CAMTA1: variants seen among roughly 807,000 people sequenced by gnomAD.
The protein encoded by CAMTA1 is calmodulin binding transcription activator 1, also known as calmodulin-binding transcription activator 1.
CAMTA1 carries 27 observed loss-of-function variants against 170.9 expected under a neutral mutation model. The observed-to-expected ratio is 0.16, with a 90% CI of 0.12 to 0.22. The LOEUF is 0.22. CAMTA1 is among the 10% of genes least tolerant of loss of function. CAMTA1 has a pLI of 1.00. For missense variants in CAMTA1, 1,619 were observed against 2,217.2 expected, an observed-to-expected ratio of 0.73 and a Z score of 5.42; for synonymous variants, 833 against 891.5, an observed-to-expected ratio of 0.93 and a Z score of 1.17.
At chr1:6,876,781 T>C (rs1286022208) in intron 3 of CAMTA1, among the ~76,000 whole-genome samples, 1 of 152,238 alleles carries the variant, frequency 6.6e-6, no homozygotes, top group Non-Finnish European at 1.5e-5. Context: ...TTAGGTGGTT[T>C]ATCTTGAAGA....
At chr1:7,338,388 G>A (rs899661384) in intron 5 of CAMTA1, among the ~76,000 whole-genome samples, 4 of 152,240 alleles carry the variant, frequency 2.6e-5, no homozygotes, top group African/African-American at 9.6e-5. Flanking sequence ...TAGTTCTGGA[G>A]GGTTTGGAGC....
At chr1:7,015,488 T>C (rs1700404820) in intron 3 of CAMTA1, among the ~76,000 whole-genome samples, 1 of 152,220 alleles carries the variant, frequency 6.6e-6, no homozygotes, top group Non-Finnish European at 1.5e-5. Context: ...CTCCTCTGAA[T>C]GCACATAGTG....
rs1024509779 is a variant in CAMTA1, at chr1:7,580,972, G to A, written c.511-59428G>A. Reference sequence around the variant, plus strand: ...ATAGAAAATACCCTAAAAGGTTGTTGAGAAAATGGAACGACTGCAGAGCTT... The same window carrying A: ...ATAGAAAATACCCTAAAAGGTTGTTAAGAAAATGGAACGACTGCAGAGCTT... On this transcript the variant is annotated intron_variant, in intron 6 of 22. Coordinates refer to ENST00000303635, the MANE Select transcript of CAMTA1 (RefSeq NM_015215.4). This position sits in a 1 kb window ranked among gnomAD's most constrained non-coding sequence, Gnocchi z 4.3. 6.6e-6 allele frequency among the ~76,000 whole-genome samples: 1 copy of A among 152,218 alleles called. No homozygotes were observed. Among genetic ancestry groups the A allele is most frequent in the Admixed American group, 6.5e-5 (1 of 15,282 alleles).
At chr1:7,397,415 A>AT (rs1376567543) in intron 5 of CAMTA1, among the ~76,000 whole-genome samples, 7 of 151,364 alleles carry the variant, frequency 4.6e-5, no homozygotes, top group East Asian at 1.9e-4. Context: ...CAGTTTGTTG[A>AT]TTTTTTTGTA....
At chr1:6,851,705 C>T (rs1007538530) in intron 3 of CAMTA1, among the ~76,000 whole-genome samples, 5 of 152,068 alleles carry the variant, frequency 3.3e-5, no homozygotes, top group Non-Finnish European at 7.4e-5. Context: ...GTGGCAAAAC[C>T]CCATCTCTAC....
At chr1:7,177,190 C>T (rs909371090) in intron 4 of CAMTA1, among the ~76,000 whole-genome samples, 2 of 150,702 alleles carry the variant, frequency 1.3e-5, no homozygotes, top group Admixed American at 6.6e-5. Flanking sequence ...CAAATCTCCT[C>T]CCCCATGCCA....
chr1:6,936,937 G>A (rs1469447190), intron 3 of CAMTA1, among the ~76,000 whole-genome samples: 1 of 151,946 alleles, frequency 6.6e-6, no homozygotes, highest in Non-Finnish European at 1.5e-5. Flanking sequence ...GCAGTGAGCC[G>A]AGATTACGCC....
chr1:7,726,982 C>A (rs866914345), intron 11 of CAMTA1, among the ~76,000 whole-genome samples: 1 of 152,178 alleles, frequency 6.6e-6, no homozygotes, highest in African/African-American at 2.4e-5. Flanking sequence ...TTGGACTGTC[C>A]TAAGGACATC....
rs577118839 is a variant in CAMTA1 at position 7,748,717 on chromosome 1, T to C, written c.4689+936T>C. On this transcript the variant is annotated intron_variant, in intron 19 of 22. Transcript: ENST00000303635. The surrounding 1 kb of genome is among the most constrained non-coding windows in gnomAD (Gnocchi z 4.7). ...TTCTTATCCATTTTAAAATGAAGAA[T>C]TGTTAAAATCTTTGAAAATCAGAAG... Among the ~76,000 whole-genome samples the C allele has an allele frequency of 5.3e-5, 8 of 152,298 alleles. No individual in the cohort carries two copies. The East Asian group carries it at 1.5e-3, about 29-fold the overall frequency.
At chr1:7,553,211 ATAAG>A (rs2094828861) in intron 6 of CAMTA1, among the ~76,000 whole-genome samples, 4 of 151,468 alleles carry the variant, frequency 2.6e-5, no homozygotes, top group African/African-American at 4.8e-5. Context: ...GAATGAGTGA[ATAAG>A]TGAGTGAATG....
At chr1:7,610,709 C>A (rs2150673853) in intron 6 of CAMTA1, among the ~76,000 whole-genome samples, 1 of 152,328 alleles carries the variant, frequency 6.6e-6, no homozygotes, top group Middle Eastern at 3.4e-3. Flanking sequence ...TCCCTAGAAA[C>A]AAGATGCAGC....
At chr1:7,718,657 A>G (rs550439853) in intron 11 of CAMTA1, among the ~76,000 whole-genome samples, 2 of 149,568 alleles carry the variant, frequency 1.3e-5, no homozygotes, top group East Asian at 2.0e-4. Flanking sequence ...CGCCAGGTTC[A>G]GGCGATTCTC....
At chr1:7,321,176 G>A (rs947095747) in intron 5 of CAMTA1, among the ~76,000 whole-genome samples, 5 of 152,136 alleles carry the variant, frequency 3.3e-5, no homozygotes, top group African/African-American at 1.2e-4. Context: ...GATTGGTAAG[G>A]GATTGTGAAT....
At chr1:7,628,809 C>G (rs559625160) in intron 6 of CAMTA1, among the ~76,000 whole-genome samples, 1 of 152,356 alleles carries the variant, frequency 6.6e-6, no homozygotes, top group Admixed American at 6.5e-5. Context: ...TCCAGGAGGA[C>G]ATGGCCAGTC....
At chr1:7,600,921 T>A (rs2150566253) in intron 6 of CAMTA1, among the ~76,000 whole-genome samples, 1 of 151,562 alleles carries the variant, frequency 6.6e-6, no homozygotes, top group East Asian at 2.0e-4. Context: ...TTTCTCAGTC[T>A]TTTCCCCACC....
intron 1 of CAMTA1, among the ~76,000 whole-genome samples, chr1:6,818,196 G>A (rs1215172080): frequency 6.6e-6 from 1 of 152,142 alleles, no homozygotes; most frequent in South Asian, 2.1e-4. Flanking sequence ...AATTAGCCAG[G>A]CATGGTGGCG....
chr1:7,266,985 C>T lies in CAMTA1; in HGVS notation c.438+17359C>T, dbSNP rs140976255. Among the ~76,000 whole-genome samples the T allele has an allele frequency of 3.9e-5, 6 of 152,256 alleles. No individual in the cohort carries two copies. In the South Asian group the frequency reaches 1.2e-3, roughly 32 times the overall value. On this transcript the variant is annotated intron_variant, in intron 5 of 22. Coordinates refer to ENST00000303635, the MANE Select transcript of CAMTA1 (RefSeq NM_015215.4). ...TGTCATGAGAAGCCACTGATGGGAT[C>T]GTAGCAGGGGTCTGGAAGGCAGTGG...
chr1:6,814,557 A>C (rs896990161), intron 1 of CAMTA1, among the ~76,000 whole-genome samples: 2 of 152,194 alleles, frequency 1.3e-5, no homozygotes, highest in Non-Finnish European at 1.5e-5. Flanking sequence ...TCTGCCCACC[A>C]GGAGCACCTG....
At position 6,848,073 on chromosome 1, in the gene CAMTA1, T is replaced by C. The variant is rs185013351; in HGVS notation, c.234+22863T>C. On this transcript the variant is annotated intron_variant, in intron 3 of 22. Coordinates refer to ENST00000303635, the MANE Select transcript of CAMTA1 (RefSeq NM_015215.4). ...TAGTGACCAGGCTGGTCTCAAACTCTTGACCACAGGTGATCCACCCACCTC... is the reference window on the plus strand; with the variant it reads ...TAGTGACCAGGCTGGTCTCAAACTCCTGACCACAGGTGATCCACCCACCTC... Among the ~76,000 whole-genome samples the C allele has an allele frequency of 1.2e-4, 19 of 152,224 alleles. 1 individual carries two copies. Among genetic ancestry groups the C allele is most frequent in the Admixed American group, 1.1e-3 (17 of 15,274 alleles).
Sources: allele counts gnomAD v4.1 joint callset (sites outside exome capture counted in the v4.1 genomes callset), GRCh38; gene constraint gnomAD v4.1.1; non-coding constraint Gnocchi (gnomAD v3.1); transcripts MANE v1.5; gene names NCBI Gene and HGNC (gene_info 2026-07-23, HGNC 2026-07-21).